Variants in COL4A6 observed in about 807,000 individuals in gnomAD.
COL4A6 encodes the protein collagen type IV alpha 6 chain, also known as collagen alpha-6(IV) chain.
A neutral mutation model predicts 126.7 loss-of-function variants in COL4A6; 59 were observed. The ratio of observed to expected loss-of-function variants is 0.47; its 90% CI spans 0.38 to 0.58. COL4A6 has a LOEUF of 0.58. Among genes scored for constraint, COL4A6 ranks in the 20% least tolerant of loss-of-function variants. COL4A6 has a pLI of 0.00. For synonymous variants in COL4A6, 547 were observed against 496.6 expected (o/e 1.10, Z -1.35); for missense variants, 1,285 against 1,337.3 (o/e 0.96, Z 0.61).
intron 6 of COL4A6, among the ~76,000 whole-genome samples, chrX:108,213,464 C>T (rs1023163932): frequency 8.9e-6 from 1 of 111,919 alleles, no homozygotes; most frequent in African/African-American, 3.3e-5. Context: ...CAATAAATAC[C>T]TTATCAATAC....
rs1408125551 is a variant in COL4A6, at chrX:108,273,579, C to T, written c.144+37169G>A. 3.7e-5 allele frequency among the ~76,000 whole-genome samples: 4 copies of T among 109,174 alleles called. No individual in the cohort carries two copies. In the East Asian group the frequency reaches 1.2e-3, roughly 32 times the overall value. 94.8% of individuals were successfully genotyped at this position (109,174 alleles called of 115,157 possible). A position where few individuals can be genotyped will look rare whatever the true frequency, so the allele number is the denominator to read the frequency against. ...CACAATAGCAAAGACTTGGAACCAA[C>T]CCAAATGTCCATCAATGATAGACTG... On this transcript the variant is annotated intron_variant, in intron 3 of 44. Transcript: ENST00000334504.
chrX:108,202,286 C>A (rs2035410418), intron 13 of COL4A6, among the ~76,000 whole-genome samples: 1 of 111,255 alleles, frequency 9.0e-6, no homozygotes, highest in Admixed American at 9.6e-5. Flanking sequence ...GCTATAGATT[C>A]ATCTGTTTAC....
In COL4A6 at chrX:108,377,941, C is replaced by CAAA. The variant is rs745969449; in HGVS notation, c.63+59998_63+60000dup. On this transcript the variant is annotated intron_variant, in intron 2 of 44. Transcript: ENST00000334504. ...TGGGCGACAGAGCAAGACTCCGTCTCAAAAAAAAAAAAAAAAAAAAAAAAA... is the reference window on the plus strand; with the variant it reads ...TGGGCGACAGAGCAAGACTCCGTCTCAAAAAAAAAAAAAAAAAAAAAAAAAAAA... 3.9e-3 allele frequency among the ~76,000 whole-genome samples: 28 copies of CAAA among 7,246 alleles called. 5 individuals carry two copies. The highest frequency in any genetic ancestry group is 1.0e-2 in the African/African-American group (26 of 2,606). 6.3% of individuals were successfully genotyped at this position (7,246 alleles called of 115,157 possible).
At position 108,156,858 on chromosome X, in the gene COL4A6, G is replaced by A. The variant is rs1389583595; in HGVS notation, c.*142C>T. The A allele has an allele frequency of 1.3e-5, 8 of 616,001 alleles. No homozygotes were observed. Among genetic ancestry groups the A allele is most frequent in the African/African-American group, 4.5e-5 (2 of 44,344 alleles). The allele number at this position is 616,001 out of a possible 1,213,427, so 50.8% of individuals were successfully genotyped here. On this transcript the variant is annotated 3_prime_UTR_variant, in exon 45 of 45. Coordinates refer to ENST00000334504, the MANE Select transcript of COL4A6 (RefSeq NM_033641.4). ...CCGAGGGCTGGGGTGACGAGTGTCC[G>A]GTAGTCTAGCCCAAATGAGACTCCA...
chrX:108,164,525 T>C (rs1304473551), intron 40 of COL4A6, 75 bp downstream of exon 40: 12 of 963,545 alleles, frequency 1.2e-5, no homozygotes, highest in Non-Finnish European at 1.6e-5. Context: ...TGGTGAGCAA[T>C]GATGCCTGAA....
At chrX:108,213,867 A>C in intron 6 of COL4A6, 1 of 335,069 alleles carries the variant, frequency 3.0e-6, no homozygotes, top group Non-Finnish European at 5.1e-6. Flanking sequence ...CAATCTTGCC[A>C]ATTTCACAAG....
At chrX:108,310,648 G>A in intron 3 of COL4A6, 100 bp downstream of exon 3, 1 of 699,415 alleles carries the variant, frequency 1.4e-6, no homozygotes, top group Non-Finnish European at 2.2e-6. Flanking sequence ...CTTGTTCCAT[G>A]AGGTCATAAG....
intron 5 of COL4A6, among the ~76,000 whole-genome samples, chrX:108,217,401 G>A (rs1412109536): frequency 9.0e-6 from 1 of 111,064 alleles, no homozygotes; most frequent in Non-Finnish European, 1.9e-5. Flanking sequence ...TTTCTGTCTG[G>A]GGGAGCCCTG....
At chrX:108,282,997 T>TG (rs1475046542) in intron 3 of COL4A6, among the ~76,000 whole-genome samples, 1 of 54,984 alleles carries the variant, frequency 1.8e-5, no homozygotes, top group Non-Finnish European at 3.1e-5. Context: ...GGGACTGTTG[T>TG]GGGGTGGGGG....
intron 3 of COL4A6, among the ~76,000 whole-genome samples, chrX:108,286,775 T>C (rs1576770): frequency 0.26 from 29,021 of 110,295 alleles, 3,197 homozygotes; most frequent in East Asian, 0.61. Flanking sequence ...TCTCACTATG[T>C]TGCCCAGGCT....
At chrX:108,178,257 G>C (rs1349116346) in intron 27 of COL4A6, among the ~76,000 whole-genome samples, 1 of 112,346 alleles carries the variant, frequency 8.9e-6, no homozygotes, top group Non-Finnish European at 1.9e-5. Flanking sequence ...GTCCTTGGAG[G>C]CATGCTCGCC....
At chrX:108,214,910 A>C (rs1232934224) in intron 5 of COL4A6, among the ~76,000 whole-genome samples, 1 of 112,353 alleles carries the variant, frequency 8.9e-6, no homozygotes, top group Non-Finnish European at 1.9e-5. Flanking sequence ...ATTCATCTGA[A>C]TTCAATAATT....
At position 108,207,703 on chromosome X, in the gene COL4A6, C is replaced by G. The variant is rs777769163; in HGVS notation, c.547-1123G>C. Among the ~76,000 whole-genome samples the G allele has an allele frequency of 3.4e-3, 383 of 111,366 alleles. 2 individuals carry two copies. The highest frequency in any genetic ancestry group is 0.012 in the African/African-American group (370 of 30,643). On this transcript the variant is annotated intron_variant, in intron 8 of 44. Transcript: ENST00000334504. ...TTTTGTTACTATTCCCTAAACAATA[C>G]AGTGTAACAACTTTTTACATAGTAT...
chrX:108,360,533 C>CT (rs2040059829), intron 2 of COL4A6, among the ~76,000 whole-genome samples: 1 of 95,570 alleles, frequency 1.0e-5, no homozygotes, highest in African/African-American at 4.2e-5. Flanking sequence ...GACACTTTAA[C>CT]CTTTTTTTTT....
intron 3 of COL4A6, among the ~76,000 whole-genome samples, chrX:108,260,075 A>G (rs1199380729): frequency 9.1e-6 from 1 of 110,492 alleles, no homozygotes; most frequent in Non-Finnish European, 1.9e-5. Flanking sequence ...TCTCGACTAG[A>G]TAAGAAATGC....
chrX:108,425,467 C>T (rs758515131), intron 2 of COL4A6, among the ~76,000 whole-genome samples: 5 of 110,319 alleles, frequency 4.5e-5, no homozygotes, highest in Non-Finnish European at 9.5e-5. Context: ...GGCGTGGTGG[C>T]TCATGCCTGT....
intron 3 of COL4A6, among the ~76,000 whole-genome samples, chrX:108,247,423 C>G (rs959676960): frequency 9.0e-6 from 1 of 110,847 alleles, no homozygotes; most frequent in East Asian, 2.9e-4. Flanking sequence ...TATCAACACC[C>G]CAATCTGTGT....
At chrX:108,285,480 T>C (rs1352605784) in intron 3 of COL4A6, among the ~76,000 whole-genome samples, 1 of 111,553 alleles carries the variant, frequency 9.0e-6, no homozygotes, top group Non-Finnish European at 1.9e-5. Context: ...CACATGGCAA[T>C]GTCTGAGCGG....
chrX:108,315,039 G>A (rs2038849434), intron 2 of COL4A6, among the ~76,000 whole-genome samples: 1 of 111,672 alleles, frequency 9.0e-6, no homozygotes, highest in South Asian at 3.8e-4. Context: ...ACTTTGCTTG[G>A]TCAGGATGTC....
Sources: gnomAD v4.1 joint callset for allele counts (sites outside exome capture counted in the v4.1 genomes callset) on GRCh38, gnomAD v4.1.1 for gene constraint, MANE v1.5 for transcripts, NCBI Gene and HGNC (gene_info 2026-07-23, HGNC 2026-07-21) for gene names.